Variants in NRXN3 observed in about 807,000 individuals in gnomAD.
The protein encoded by NRXN3 is neurexin 3, also known as neurexin III.
In NRXN3, 32 loss-of-function variants were observed where a neutral mutation model predicts 137.6. The observed-to-expected ratio is 0.23, with a 90% CI of 0.18 to 0.31. NRXN3 has a LOEUF of 0.31. Among genes scored for constraint, NRXN3 ranks in the 10% least tolerant of loss-of-function variants. The probability of loss-of-function intolerance (pLI) is 1.00; values close to 1 mark genes in which losing one functional copy is unlikely to be tolerated. For missense variants in NRXN3, 1,574 were observed against 2,062.5 expected (o/e 0.76, Z 4.59); for synonymous variants, 798 against 784.5 (o/e 1.02, Z -0.29).
rs2099399724 is a variant in NRXN3 at position 79,855,051 on chromosome 14, C to T, written c.4094-6291C>T. On this transcript the variant is annotated intron_variant, in intron 20 of 20. Transcript: ENST00000335750. The stretch of plus-strand genomic sequence containing the variant: ...CTTTCCTTTGTCTCTTCTCCTTTTC[C>T]CTTTTTCATTTCTCTCAAGGATTTA... 2.6e-5 allele frequency among the ~76,000 whole-genome samples: 4 copies of T among 152,250 alleles called. No individual in the cohort carries two copies. In the South Asian group the frequency reaches 6.2e-4, roughly 24 times the overall value.
rs151197180 is a variant in NRXN3 at position 78,702,451 on chromosome 14, C to CTTTTCTTTTTTTTTTTT, written c.1222-6764_1222-6763insTTCTTTTTTTTTTTTTT. ...AAGAGAGAATCTTTCTTTTTCTTTTCTTATTTTTTTTGAGATGGAGTCTCA... is the reference window on the plus strand; with the variant it reads ...AAGAGAGAATCTTTCTTTTTCTTTTCTTTTCTTTTTTTTTTTTTTATTTTTTTTGAGATGGAGTCTCA... On this transcript the variant is annotated intron_variant, in intron 6 of 20. Transcript: ENST00000335750. Among the ~76,000 whole-genome samples the CTTTTCTTTTTTTTTTTT allele has an allele frequency of 2.8e-4, 34 of 122,712 alleles. 6 individuals carry two copies. Among genetic ancestry groups the CTTTTCTTTTTTTTTTTT allele is most frequent in the Non-Finnish European group, 2.8e-4 (17 of 59,978 alleles). 80.5% of individuals were successfully genotyped at this position (122,712 alleles called of 152,430 possible).
chr14:78,243,016 C>A lies in NRXN3; in HGVS notation c.-78C>A. On this transcript the variant is annotated 5_prime_UTR_variant, in exon 2 of 21. Transcript: ENST00000335750. The surrounding 1 kb of genome is among the most constrained non-coding windows in gnomAD (Gnocchi z 4.2). ...CATCTCTGTCTTGTCTTTCCCACTT[C>A]TATTGCCAAAGGGAGAGATCCTCTC... 9.3e-7 allele frequency: 1 copy of A among 1,069,768 alleles called. No homozygotes were observed. Among genetic ancestry groups the A allele is most frequent in the Non-Finnish European group, 1.3e-6 (1 of 762,256 alleles). 66.3% of individuals were successfully genotyped at this position (1,069,768 alleles called of 1,614,324 possible).
chr14:79,837,112 A>G (rs2099345730), intron 20 of NRXN3, among the ~76,000 whole-genome samples: 1 of 152,126 alleles, frequency 6.6e-6, no homozygotes, highest in African/African-American at 2.4e-5. Flanking sequence ...TATGTATGCA[A>G]TTGACTTTTG....
intron 19 of NRXN3, among the ~76,000 whole-genome samples, chr14:79,803,923 A>ATACATATATATGTATG (rs1240533351): frequency 7.2e-6 from 1 of 138,000 alleles, no homozygotes; most frequent in Admixed American, 7.3e-5. Context: ...GTATATATAT[A>ATACATATATATGTATG]TATGTGTGTG....
chr14:79,138,354 T>C (rs2058456707), intron 15 of NRXN3, among the ~76,000 whole-genome samples: 1 of 152,210 alleles, frequency 6.6e-6, no homozygotes, highest in Admixed American at 6.5e-5. Flanking sequence ...AAGGTCTCAC[T>C]GTATTGCCCA....
chr14:78,575,096 T>C (rs982862570), intron 4 of NRXN3, among the ~76,000 whole-genome samples: 1 of 152,230 alleles, frequency 6.6e-6, no homozygotes, highest in Non-Finnish European at 1.5e-5. Context: ...TGCTTGGCAC[T>C]CATTCTGTCC....
intron 15 of NRXN3, among the ~76,000 whole-genome samples, chr14:79,147,233 G>A (rs1385938943): frequency 6.6e-6 from 1 of 152,192 alleles, no homozygotes; most frequent in Non-Finnish European, 1.5e-5. Context: ...GAGAGCTGAC[G>A]TTGAATGCTT....
chr14:79,472,385 G>T (rs2153624856), intron 16 of NRXN3, among the ~76,000 whole-genome samples: 1 of 152,300 alleles, frequency 6.6e-6, no homozygotes, highest in East Asian at 1.9e-4. Context: ...TAAAAAATCA[G>T]AGAGGGCCAG....
At chr14:78,783,024 G>T (rs1484152174) in intron 8 of NRXN3, among the ~76,000 whole-genome samples, 3 of 152,186 alleles carry the variant, frequency 2.0e-5, no homozygotes, top group African/African-American at 7.2e-5. Context: ...ATCACTGATG[G>T]ATGCTAAAAT....
chr14:78,993,139 G>T (rs533542713), intron 15 of NRXN3, among the ~76,000 whole-genome samples: 1 of 152,304 alleles, frequency 6.6e-6, no homozygotes, highest in South Asian at 2.1e-4. Flanking sequence ...GTTTTCTGCA[G>T]GAGTGGCTAT....
intron 15 of NRXN3, among the ~76,000 whole-genome samples, chr14:79,129,428 G>T (rs369983832): frequency 6.7e-6 from 1 of 150,048 alleles, no homozygotes; most frequent in South Asian, 2.1e-4. Context: ...CCTTCATTTC[G>T]TTATGTACCC....
intron 15 of NRXN3, among the ~76,000 whole-genome samples, chr14:79,092,089 T>C (rs756455201): frequency 2.0e-5 from 3 of 152,214 alleles, no homozygotes; most frequent in Non-Finnish European, 4.4e-5. Flanking sequence ...TTGTTTATAA[T>C]AGACAGTTCT....
intron 8 of NRXN3, among the ~76,000 whole-genome samples, chr14:78,760,955 A>G (rs2098690474): frequency 6.6e-6 from 1 of 152,180 alleles, no homozygotes; most frequent in Non-Finnish European, 1.5e-5. Flanking sequence ...TCAAGGTAGT[A>G]ATTACCAAAC....
intron 16 of NRXN3, among the ~76,000 whole-genome samples, chr14:79,531,950 C>T (rs957920577): frequency 6.6e-5 from 10 of 151,764 alleles, no homozygotes; most frequent in Admixed American, 5.9e-4. Flanking sequence ...GTCAATCATC[C>T]ATGTGTCCCT....
intron 15 of NRXN3, among the ~76,000 whole-genome samples, chr14:79,456,997 A>G (rs1600585002): frequency 6.6e-6 from 1 of 151,628 alleles, no homozygotes; most frequent in Non-Finnish European, 1.5e-5. Flanking sequence ...CTTATGTCAC[A>G]GTTTTATCAT....
chr14:78,246,739 GGGAAA>G (rs2067739393), intron 2 of NRXN3, among the ~76,000 whole-genome samples: 1 of 152,042 alleles, frequency 6.6e-6, no homozygotes, highest in Admixed American at 6.5e-5. Context: ...AAAATGTGAA[GGGAAA>G]GGAAATCACA....
At chr14:79,386,549 C>T (rs986384951) in intron 15 of NRXN3, among the ~76,000 whole-genome samples, 2 of 151,976 alleles carry the variant, frequency 1.3e-5, no homozygotes, top group African/African-American at 4.8e-5. Flanking sequence ...TAGATTCAAT[C>T]TCATCCCCAT....
intron 15 of NRXN3, among the ~76,000 whole-genome samples, chr14:78,997,929 A>T (rs1417036372): frequency 6.6e-6 from 1 of 152,196 alleles, no homozygotes; most frequent in Admixed American, 6.5e-5. Flanking sequence ...CTCCAGCTCC[A>T]TGTCAGCTCT....
At chr14:79,177,307 T>C (rs1432986778) in intron 15 of NRXN3, among the ~76,000 whole-genome samples, 1 of 152,162 alleles carries the variant, frequency 6.6e-6, no homozygotes, top group Non-Finnish European at 1.5e-5. Context: ...TGAATCACAC[T>C]TCAAACAGAC....
Sources: gnomAD v4.1 joint callset for allele counts (sites outside exome capture counted in the v4.1 genomes callset) on GRCh38, gnomAD v4.1.1 for gene constraint, Gnocchi (gnomAD v3.1) non-coding constraint, MANE v1.5 for transcripts, NCBI Gene and HGNC (gene_info 2026-07-23, HGNC 2026-07-21) for gene names.